The following EPC2 variants were observed in gnomAD, a reference collection of about 807,000 sequenced individuals.
EPC2 encodes the protein enhancer of polycomb 2.
In EPC2, 14 loss-of-function variants were observed where a neutral mutation model predicts 92.1. The ratio of observed to expected loss-of-function variants is 0.15; its 90% CI spans 0.10 to 0.24. EPC2 has a LOEUF of 0.24. Ranked by LOEUF, EPC2 falls within the 10% of genes least tolerant of loss-of-function variation. EPC2 has a pLI of 1.00. For synonymous variants in EPC2, 340 were observed against 334.7 expected (o/e 1.02, Z -0.17); for missense variants, 755 against 971.5 (o/e 0.78, Z 2.96).
In EPC2 at chr2:148,690,323, G is replaced by C; in HGVS notation, c.263G>C (p.Arg88Pro). Reference sequence around the variant, plus strand: ...GAGAGCAACGTCAACTATTACAATCGCTTGTACAAAGGAGAGTTTAAACAG... The same window carrying C: ...GAGAGCAACGTCAACTATTACAATCCCTTGTACAAAGGAGAGTTTAAACAG... ...EAESNVNYYN[R>P]LYKGEFKQPK... The change falls in exon 2 of 14, where the codon CGC (arginine) becomes CCC (proline). Residue 88 changes from arginine to proline, a missense_variant. This residue lies in a region of EPC2 where 509 missense variants were observed against 607.7 expected (regional missense o/e 0.84). Transcript: ENST00000258484. 1 of 1,611,702 alleles carries C rather than the reference G, an allele frequency of 6.2e-7. No homozygotes were observed. The highest frequency in any genetic ancestry group is 8.5e-7 in the Non-Finnish European group (1 of 1,179,160).
Position 148,769,248 on chromosome 2 carries a change from C to T in EPC2, c.1230+8C>T, listed in dbSNP as rs377737585. On this transcript the variant is annotated splice_region_variant and intron_variant, in intron 8 of 13. Transcript: ENST00000258484. ...GGATGCCAGTATTATGCTGTAAGAA[C>T]TTTTGTGTGTGTGTGGTGTTTTTGT... 7.5e-6 allele frequency: 12 copies of T among 1,596,646 alleles called. No individual in the cohort carries two copies. The African/African-American group carries it at 1.6e-4, about 21-fold the overall frequency.
intron 1 of EPC2, among the ~76,000 whole-genome samples, chr2:148,663,592 A>ATTTTTTTTTTTTTTTTTT (rs56911412): frequency 1.3e-5 from 1 of 74,350 alleles, no homozygotes; most frequent in African/African-American, 5.6e-5. Flanking sequence ...ATAGATTAAG[A>ATTTTTTTTTTTTTTTTTT]TTTTTTTTTT....
intron 2 of EPC2, among the ~76,000 whole-genome samples, chr2:148,716,105 G>A (rs1195039533): frequency 6.6e-6 from 1 of 152,178 alleles, no homozygotes; most frequent in African/African-American, 2.4e-5. Context: ...TTGCTTATAA[G>A]CTTAAGAAGC....
At chr2:148,652,498 T>C (rs1291222218) in intron 1 of EPC2, among the ~76,000 whole-genome samples, 1 of 152,236 alleles carries the variant, frequency 6.6e-6, no homozygotes, top group East Asian at 1.9e-4. Flanking sequence ...GGATGAGTTT[T>C]GTTTGACCGC....
At chr2:148,731,340 T>A (rs1378727304) in intron 2 of EPC2, among the ~76,000 whole-genome samples, 1 of 152,208 alleles carries the variant, frequency 6.6e-6, no homozygotes, top group Non-Finnish European at 1.5e-5. Context: ...TGTGTTTCTG[T>A]CTTATTTAGT....
chr2:148,653,950 G>GC (rs1246321068), intron 1 of EPC2, among the ~76,000 whole-genome samples: 1 of 131,786 alleles, frequency 7.6e-6, no homozygotes, highest in East Asian at 2.2e-4. Context: ...TTTTTTTTTT[G>GC]TTTTTTTTTT....
chr2:148,657,986 AGTTAT>A (rs774367428), intron 1 of EPC2, among the ~76,000 whole-genome samples: 3 of 152,056 alleles, frequency 2.0e-5, no homozygotes, highest in South Asian at 2.1e-4. Context: ...TATTCGAGAT[AGTTAT>A]GTTCTGTTAT....
chr2:148,698,633 CAAAAAAAAAAA>C (rs36045036), intron 2 of EPC2, among the ~76,000 whole-genome samples: 1 of 57,016 alleles, frequency 1.8e-5, no homozygotes. Flanking sequence ...GACTCCATCT[CAAAAAAAAAAA>C]AAAAAAAAAA....
intron 2 of EPC2, among the ~76,000 whole-genome samples, chr2:148,737,195 C>G (rs1253365898): frequency 2.0e-5 from 3 of 152,144 alleles, no homozygotes; most frequent in African/African-American, 7.2e-5. Context: ...TGTACAGTCA[C>G]TTTACAGTAT....
intron 2 of EPC2, among the ~76,000 whole-genome samples, chr2:148,705,605 G>A (rs1360242504): frequency 6.6e-6 from 1 of 151,916 alleles, no homozygotes; most frequent in African/African-American, 2.4e-5. Flanking sequence ...ATACAACTGG[G>A]TGCCCCTGAG....
At position 148,735,428 on chromosome 2, in the gene EPC2, T is replaced by G. The variant is rs1009558963; in HGVS notation, c.314-8194T>G. On this transcript the variant is annotated intron_variant, in intron 2 of 13. Transcript: ENST00000258484. ...GTTAAACATTTTTATGTAGATTACC[T>G]TTTCCTATCTTTGGGTCCATTTTTC... 1.8e-4 allele frequency among the ~76,000 whole-genome samples: 28 copies of G among 152,174 alleles called. 1 individual carries two copies. The highest frequency in any genetic ancestry group is 1.2e-3 in the South Asian group (6 of 4,824).
chr2:148,700,123 G>T (rs61181406), intron 2 of EPC2, among the ~76,000 whole-genome samples: 1 of 151,898 alleles, frequency 6.6e-6, no homozygotes, highest in African/African-American at 2.4e-5. Context: ...TTTTAGATAC[G>T]TGTCCTGTAG....
chr2:148,676,308 A>C (rs1430247475), intron 1 of EPC2, among the ~76,000 whole-genome samples: 1 of 152,100 alleles, frequency 6.6e-6, no homozygotes, highest in African/African-American at 2.4e-5. Context: ...GATTTTGTGT[A>C]TCTTGGTGGA....
intron 1 of EPC2, among the ~76,000 whole-genome samples, chr2:148,681,645 A>G (rs992717149): frequency 5.9e-5 from 9 of 152,126 alleles, no homozygotes; most frequent in Admixed American, 2.0e-4. Flanking sequence ...ATTGCTGACT[A>G]TGACCTATTA....
intron 2 of EPC2, among the ~76,000 whole-genome samples, chr2:148,699,654 T>A (rs1249169241): frequency 1.3e-5 from 2 of 152,232 alleles, no homozygotes; most frequent in Non-Finnish European, 2.9e-5. Flanking sequence ...TTAAAAGACA[T>A]CTTGATTGCT....
At chr2:148,670,518 T>C (rs928528348) in intron 1 of EPC2, among the ~76,000 whole-genome samples, 1 of 152,190 alleles carries the variant, frequency 6.6e-6, no homozygotes, top group African/African-American at 2.4e-5. Flanking sequence ...TTAATATGGG[T>C]TCATTTACAA....
At chr2:148,734,389 T>C (rs1203350516) in intron 2 of EPC2, among the ~76,000 whole-genome samples, 2 of 152,148 alleles carry the variant, frequency 1.3e-5, no homozygotes, top group Non-Finnish European at 2.9e-5. Context: ...CAATACACTT[T>C]TATGATTTCC....
intron 1 of EPC2, among the ~76,000 whole-genome samples, chr2:148,678,104 G>A (rs1402341816): frequency 3.3e-5 from 5 of 152,164 alleles, no homozygotes; most frequent in African/African-American, 7.2e-5. Context: ...GCTGATTGGC[G>A]CATTTACAAT....
intron 10 of EPC2, among the ~76,000 whole-genome samples, chr2:148,774,713 A>G (rs1270051756): frequency 6.6e-6 from 1 of 151,594 alleles, no homozygotes; most frequent in African/African-American, 2.4e-5. Flanking sequence ...TTAGAACTAA[A>G]ACTAAAGACT....
Sources: gnomAD v4.1 joint callset for allele counts (sites outside exome capture counted in the v4.1 genomes callset) on GRCh38, gnomAD v4.1.1 for gene constraint, gnomAD v4.1.1 regional missense constraint, MANE v1.5 for transcripts, NCBI Gene and HGNC (gene_info 2026-07-23, HGNC 2026-07-21) for gene names.